Variants in C11orf65 observed in about 807,000 individuals in gnomAD.
C11orf65 encodes protein MFI.
A neutral mutation model predicts 35.3 loss-of-function variants in C11orf65; 38 were observed. That is an observed-to-expected ratio of 1.08 (90% CI 0.83 to 1.41). C11orf65 has a LOEUF of 1.41. Among genes scored for constraint, C11orf65 ranks in the 40% most tolerant of loss-of-function variants. C11orf65 has a pLI of 0.00. For missense variants in C11orf65, 370 were observed against 367.1 expected (o/e 1.01, Z -0.06); for synonymous variants, 105 against 114.4 (o/e 0.92, Z 0.53).
At chr11:108,459,344 A>G (rs2093443967) in intron 2 of C11orf65, among the ~76,000 whole-genome samples, 1 of 152,144 alleles carries the variant, frequency 6.6e-6, no homozygotes, top group Admixed American at 6.6e-5. Context: ...GACTAGCAGT[A>G]AACATCCACC....
In C11orf65 at chr11:108,335,962, G is replaced by A. The variant is rs876658957; in HGVS notation, c.227-670C>T. 1 of 1,593,096 alleles carries A rather than the reference G, an allele frequency of 6.3e-7. No homozygotes were observed. The highest frequency in any genetic ancestry group is 8.6e-7 in the Non-Finnish European group (1 of 1,161,174). Reference sequence around the variant, plus strand: ...GAAATTAACTATCTGTACTTATAAGGTAACTATTTGTACTTCTGTTAGTTC... The same window carrying A: ...GAAATTAACTATCTGTACTTATAAGATAACTATTTGTACTTCTGTTAGTTC... On this transcript the variant is annotated intron_variant, in intron 2 of 3. Coordinates refer to the C11orf65 transcript ENST00000524755.
rs1319582645 is a variant in C11orf65 at position 108,365,354 on chromosome 11, C to T, written c.226+27854G>A. The T allele has an allele frequency of 1.9e-6, 3 of 1,614,036 alleles. No homozygotes were observed. Among genetic ancestry groups the T allele is most frequent in the Non-Finnish European group, 2.5e-6 (3 of 1,180,036 alleles). ...ATTGACCAGAGTTTCAACAAAGTAG[C>T]TGAACGTGTCTTAATGAGACTACAA... is the stretch of plus-strand genomic sequence containing the variant. On this transcript the variant is annotated intron_variant, in intron 2 of 3. Transcript: ENST00000524755.
intron 2 of C11orf65, among the ~76,000 whole-genome samples, chr11:108,363,302 G>C (rs2091003872): frequency 6.6e-6 from 1 of 152,060 alleles, no homozygotes; most frequent in Admixed American, 6.6e-5. Flanking sequence ...CGCTTCCTAA[G>C]CCCCTCCTTC....
rs867846744 is a variant in C11orf65 at position 108,310,361 on chromosome 11, T to G, written c.641-1290A>C. The G allele has an allele frequency of 5.8e-6, 9 of 1,551,106 alleles. No individual in the cohort carries two copies. In the Middle Eastern group the frequency reaches 8.6e-4, roughly 148 times the overall value. On this transcript the variant is annotated intron_variant, in intron 6 of 6. Transcript: ENST00000525729. ...TGGTTTTTAAAATTAATGTTGGCAT[T>G]GTCTCAATAAGGGTATATAGTAAAG...
intron 3 of C11orf65, among the ~76,000 whole-genome samples, chr11:108,426,003 T>C (rs932355219): frequency 4.6e-5 from 7 of 152,284 alleles, no homozygotes; most frequent in Non-Finnish European, 1.0e-4. Context: ...TATCTCAAAA[T>C]AATAAGAGCT....
chr11:108,357,816 A>T (rs1159861689), intron 2 of C11orf65, among the ~76,000 whole-genome samples: 2 of 151,936 alleles, frequency 1.3e-5, no homozygotes, highest in Non-Finnish European at 2.9e-5. Context: ...ATCAAAGACC[A>T]AAAGTAGATA....
At chr11:108,457,336 A>G (rs1198675902) in intron 2 of C11orf65, among the ~76,000 whole-genome samples, 1 of 152,104 alleles carries the variant, frequency 6.6e-6, no homozygotes, top group Non-Finnish European at 1.5e-5. Context: ...CTACTAGAAG[A>G]TCTACAATAA....
intron 7 of C11orf65, among the ~76,000 whole-genome samples, 154 bp downstream of exon 7, chr11:108,393,051 GTCT>G (rs1042905386): frequency 1.3e-5 from 2 of 151,562 alleles, no homozygotes; most frequent in African/African-American, 2.4e-5. Flanking sequence ...TACCCCTCAT[GTCT>G]TCTTCTGTTC....
chr11:108,433,284 G>GAT (rs1430787892), intron 2 of C11orf65, among the ~76,000 whole-genome samples: 147 of 148,756 alleles, frequency 9.9e-4, no homozygotes, highest in African/African-American at 3.3e-3. Context: ...GATATATATA[G>GAT]ATATATATAT....
intron 3 of C11orf65, among the ~76,000 whole-genome samples, chr11:108,412,437 T>C (rs1332776193): frequency 1.3e-5 from 2 of 152,172 alleles, no homozygotes; most frequent in African/African-American, 4.8e-5. Context: ...TCAGAGACTG[T>C]CAGAGCGGAT....
intron 3 of C11orf65, among the ~76,000 whole-genome samples, chr11:108,429,648 C>A (rs1035711245): frequency 6.6e-6 from 1 of 152,012 alleles, no homozygotes; most frequent in African/African-American, 2.4e-5. Flanking sequence ...TGGATATATA[C>A]CCAAAAGAAT....
chr11:108,373,551 T>G (rs1037690850), intron 2 of C11orf65, among the ~76,000 whole-genome samples: 1 of 152,140 alleles, frequency 6.6e-6, no homozygotes, highest in Non-Finnish European at 1.5e-5. Flanking sequence ...GGAGCCAAGA[T>G]GGCCAAATAG....
At chr11:108,433,899 G>A (rs1380704732) in intron 2 of C11orf65, among the ~76,000 whole-genome samples, 1 of 152,206 alleles carries the variant, frequency 6.6e-6, no homozygotes, top group East Asian at 1.9e-4. Flanking sequence ...ATGGCCAGAA[G>A]TATAGATCTA....
intron 3 of C11orf65, among the ~76,000 whole-genome samples, chr11:108,412,966 AC>A (rs1265908267): frequency 6.6e-6 from 1 of 152,356 alleles, no homozygotes; most frequent in African/African-American, 2.4e-5. Context: ...TAATTTACTA[AC>A]ATAATTGGAG....
chr11:108,405,580 A>G (rs776467276), intron 5 of C11orf65, 21 bp from the exon 6 acceptor site: 1 of 1,608,988 alleles, frequency 6.2e-7, no homozygotes, highest in East Asian at 2.2e-5. Context: ...ACAAAAATGA[A>G]CATACAAAAT....
Position 108,312,621 on chromosome 11 carries a change from CAT to C in C11orf65, c.641-3552_641-3551del, listed in dbSNP as rs1028818983. 10 of 702,994 alleles carry C rather than the reference CAT, an allele frequency of 1.4e-5. No individual in the cohort carries two copies. In the African/African-American group the frequency reaches 1.8e-4, roughly 13 times the overall value. The allele number at this position is 702,994 out of a possible 1,614,324, so 43.5% of individuals were successfully genotyped here. ...TGAATTTACTTACTGGACTAAGCAT[CAT>C]ATATATAAAATTATGGTCTGAAGCT... On this transcript the variant is annotated intron_variant, in intron 6 of 6. Coordinates refer to the C11orf65 transcript ENST00000525729.
chr11:108,455,490 A>G (rs2093400368), intron 2 of C11orf65, among the ~76,000 whole-genome samples: 1 of 152,206 alleles, frequency 6.6e-6, no homozygotes, highest in Non-Finnish European at 1.5e-5. Flanking sequence ...ATTCAAAGAT[A>G]ACATGACTAA....
At chr11:108,395,652 A>C (rs1019936842) in intron 6 of C11orf65, among the ~76,000 whole-genome samples, 3 of 77,434 alleles carry the variant, frequency 3.9e-5, no homozygotes, top group East Asian at 3.8e-4. Context: ...ATGGAATCTC[A>C]CTCTATTGCC....
At chr11:108,461,047 A>C (rs1591620307) in intron 2 of C11orf65, among the ~76,000 whole-genome samples, 1 of 151,818 alleles carries the variant, frequency 6.6e-6, no homozygotes, top group Non-Finnish European at 1.5e-5. Flanking sequence ...TTTTAAAGTG[A>C]AGAATGGCAC....
Sources: gnomAD v4.1 joint callset for allele counts (sites outside exome capture counted in the v4.1 genomes callset) on GRCh38, gnomAD v4.1.1 for gene constraint, MANE v1.5 for transcripts, NCBI Gene and HGNC (gene_info 2026-07-23, HGNC 2026-07-21) for gene names.